TNFSF4: variants seen among roughly 807,000 people sequenced by gnomAD.
The protein encoded by TNFSF4 is TNF superfamily member 4, also known as tumor necrosis factor ligand superfamily member 4.
In TNFSF4, 4 loss-of-function variants were observed where a neutral mutation model predicts 7.3. That is an observed-to-expected ratio of 0.55 (90% CI 0.27 to 1.25). The LOEUF (loss-of-function observed/expected upper bound fraction) is 1.25, where lower values mean the gene tolerates loss of function less well. Among genes scored for constraint, TNFSF4 ranks in the 50% most tolerant of loss-of-function variants. The pLI is 0.12. For synonymous variants in TNFSF4, 76 were observed against 83.7 expected, an observed-to-expected ratio of 0.91 and a Z score of 0.50; for missense variants, 181 against 208.8, an observed-to-expected ratio of 0.87 and a Z score of 0.82.
At chr1:173,313,290 C>G in the TNFSF4 span, among the ~76,000 whole-genome samples, 1 of 151,988 alleles carries the variant, frequency 6.6e-6, no homozygotes, top group Admixed American at 6.6e-5. Flanking sequence ...ATATTAGATA[C>G]TTAGCATTTT....
chr1:173,335,379 G>C, the TNFSF4 span, among the ~76,000 whole-genome samples: 1 of 152,142 alleles, frequency 6.6e-6, no homozygotes. Context: ...AGAGCTCTGT[G>C]ATCACTCTTC....
chr1:173,439,029 T>G, the TNFSF4 span, among the ~76,000 whole-genome samples: 1 of 152,026 alleles, frequency 6.6e-6, no homozygotes, highest in Non-Finnish European at 1.5e-5. Context: ...GCTGAGTGAG[T>G]GACAAGCTAC....
At chr1:173,413,185 A>G in the TNFSF4 span, among the ~76,000 whole-genome samples, 4 of 152,154 alleles carry the variant, frequency 2.6e-5, no homozygotes, top group Non-Finnish European at 5.9e-5. Context: ...TAGCAAGTGG[A>G]GCTGGAAAAT....
the TNFSF4 span, among the ~76,000 whole-genome samples, chr1:173,404,348 T>C: frequency 0.71 from 108,210 of 152,112 alleles, 38,834 homozygotes; most frequent in African/African-American, 0.82. Flanking sequence ...CCCATGGAAT[T>C]ACCCACAGGG....
chr1:173,190,313 G>A (rs1452987807), intron 1 of TNFSF4, among the ~76,000 whole-genome samples: 1 of 152,172 alleles, frequency 6.6e-6, no homozygotes, highest in Admixed American at 6.5e-5. Context: ...TTTATGCCCT[G>A]GGTAGGGGAA....
At chr1:173,345,375 T>C in the TNFSF4 span, among the ~76,000 whole-genome samples, 1 of 152,170 alleles carries the variant, frequency 6.6e-6, no homozygotes, top group Admixed American at 6.5e-5. Context: ...AACCGGGAAG[T>C]TAATTTTATT....
the TNFSF4 span, among the ~76,000 whole-genome samples, chr1:173,238,015 A>C: frequency 6.6e-6 from 1 of 152,214 alleles, no homozygotes; most frequent in Non-Finnish European, 1.5e-5. Context: ...CTGTACTACA[A>C]GGCTACAGTA....
chr1:173,374,173 C>T, the TNFSF4 span, among the ~76,000 whole-genome samples: 1 of 152,168 alleles, frequency 6.6e-6, no homozygotes, highest in East Asian at 1.9e-4. Context: ...CTTTTTCTCA[C>T]AAATGACCTC....
At chr1:173,256,037 G>A in the TNFSF4 span, among the ~76,000 whole-genome samples, 2 of 152,180 alleles carry the variant, frequency 1.3e-5, no homozygotes, top group Non-Finnish European at 2.9e-5. Context: ...TAAGCCAAAC[G>A]CACCAAGGCT....
chr1:173,301,987 G>C, the TNFSF4 span, among the ~76,000 whole-genome samples: 1 of 151,808 alleles, frequency 6.6e-6, no homozygotes, highest in Admixed American at 6.6e-5. Context: ...TTGATGTGTG[G>C]AATTTATGGG....
chr1:173,360,901 G>A, the TNFSF4 span, among the ~76,000 whole-genome samples: 18 of 152,156 alleles, frequency 1.2e-4, no homozygotes, highest in African/African-American at 4.1e-4. Context: ...TAGGCAAAGG[G>A]GGCATTTCAC....
At chr1:173,267,916 G>A in the TNFSF4 span, among the ~76,000 whole-genome samples, 1 of 120,448 alleles carries the variant, frequency 8.3e-6, no homozygotes, top group Non-Finnish European at 1.8e-5. Context: ...GAAAGAGAAG[G>A]AGAGGAAGTA....
At chr1:173,242,525 A>T in the TNFSF4 span, among the ~76,000 whole-genome samples, 1 of 152,228 alleles carries the variant, frequency 6.6e-6, no homozygotes, top group Non-Finnish European at 1.5e-5. Flanking sequence ...TGGTGGGCAG[A>T]ATAATGACCT....
At chr1:173,179,118 C>A (rs891216865), downstream of TNFSF4, among the ~76,000 whole-genome samples, 1 of 152,300 alleles carries the variant, frequency 6.6e-6, no homozygotes, top group East Asian at 1.9e-4. Context: ...TCAGAACTCT[C>A]AGAGAATAAA....
the TNFSF4 span, among the ~76,000 whole-genome samples, chr1:173,445,882 T>C: frequency 2.0e-5 from 3 of 152,102 alleles, no homozygotes; most frequent in Non-Finnish European, 4.4e-5. Flanking sequence ...AGCTGCCAAG[T>C]AGAGGTTCCG....
At chr1:173,299,172 C>A in the TNFSF4 span, among the ~76,000 whole-genome samples, 1 of 151,928 alleles carries the variant, frequency 6.6e-6, no homozygotes, top group Non-Finnish European at 1.5e-5. Context: ...CCCATAAATC[C>A]TGATGTCTAA....
the TNFSF4 span, among the ~76,000 whole-genome samples, chr1:173,342,567 C>G: frequency 1.3e-5 from 2 of 152,076 alleles, no homozygotes. Flanking sequence ...TTCTCAAACA[C>G]TTTATTCTGT....
chr1:173,341,861 T>C, the TNFSF4 span, among the ~76,000 whole-genome samples: 46,852 of 151,856 alleles, frequency 0.31, 7,393 homozygotes, highest in East Asian at 0.35. Flanking sequence ...ACCCTAAAAT[T>C]CCTGTCCCAG....
At chr1:173,192,360 T>A (rs1649523689) in intron 1 of TNFSF4, among the ~76,000 whole-genome samples, 1 of 152,130 alleles carries the variant, frequency 6.6e-6, no homozygotes, top group Non-Finnish European at 1.5e-5. Context: ...GATACAACCA[T>A]ACAATGGAAC....
Sources: gnomAD v4.1 joint callset for allele counts (sites outside exome capture counted in the v4.1 genomes callset) on GRCh38, gnomAD v4.1.1 for gene constraint, MANE v1.5 for transcripts, NCBI Gene and HGNC (gene_info 2026-07-23, HGNC 2026-07-21) for gene names.